CPLANE1: variants seen among roughly 807,000 people sequenced by gnomAD.
The protein encoded by CPLANE1 is ciliogenesis and planar polarity effector complex subunit 1.
A neutral mutation model predicts 362.5 loss-of-function variants in CPLANE1; 263 were observed. That is an observed-to-expected ratio of 0.73 (90% CI 0.66 to 0.80). The LOEUF (loss-of-function observed/expected upper bound fraction) is 0.80, where lower values mean the gene tolerates loss of function less well. Ranked by LOEUF, CPLANE1 falls within the 30% of genes least tolerant of loss-of-function variation. CPLANE1 has a pLI of 0.00. For synonymous variants in CPLANE1, 1,212 were observed against 1,302.6 expected (o/e 0.93, Z 1.50); for missense variants, 3,461 against 3,793.4 (o/e 0.91, Z 2.30).
At position 37,209,750 on chromosome 5, in the gene CPLANE1, A is replaced by G; in HGVS notation, c.2921-3325T>C. On this transcript the variant is annotated intron_variant, in intron 16 of 52. Coordinates refer to ENST00000651892, the MANE Select transcript of CPLANE1 (RefSeq NM_001384732.1). The surrounding 1 kb of genome is among the most constrained non-coding windows in gnomAD (Gnocchi z 4.6). ...CCAGTCTGTACAAATCACTGGTTTC[A>G]GGAGCTGATAAAGAAAACCAAAAAG... 8.2e-7 allele frequency: 1 copy of G among 1,213,870 alleles called. No individual in the cohort carries two copies. Among genetic ancestry groups the G allele is most frequent in the Non-Finnish European group, 1.2e-6 (1 of 817,764 alleles). 75.2% of individuals were successfully genotyped at this position (1,213,870 alleles called of 1,614,324 possible). A position where few individuals can be genotyped will look rare whatever the true frequency, so the allele number is the denominator to read the frequency against.
chr5:37,124,839 A>G, intron 47 of CPLANE1: 2 of 983,308 alleles, frequency 2.0e-6, no homozygotes, highest in South Asian at 4.7e-5. Flanking sequence ...AATAAATTTT[A>G]TAAACTAAGT....
intron 32 of CPLANE1, 137 bp from the exon 33 acceptor site, chr5:37,170,468 G>A (rs1779472639): frequency 1.1e-6 from 1 of 951,382 alleles, no homozygotes; most frequent in African/African-American, 1.7e-5. Flanking sequence ...TGCTGAGCAG[G>A]AGGCAGTCAG....
the CPLANE1 span, among the ~76,000 whole-genome samples, chr5:37,078,581 G>C: frequency 6.6e-6 from 1 of 152,116 alleles, no homozygotes; most frequent in Non-Finnish European, 1.5e-5. Context: ...TGGTATTGCT[G>C]GGTCAAATGG....
chr5:37,150,522 G>A (rs566238790), intron 42 of CPLANE1, among the ~76,000 whole-genome samples: 14 of 151,626 alleles, frequency 9.2e-5, no homozygotes, highest in East Asian at 3.9e-4. Context: ...ACACACACGC[G>A]CGCACACACA....
At chr5:37,195,210 T>G (rs950882554) in intron 21 of CPLANE1, among the ~76,000 whole-genome samples, 1 of 151,446 alleles carries the variant, frequency 6.6e-6, no homozygotes, top group Non-Finnish European at 1.5e-5. Flanking sequence ...TGATAAGGAT[T>G]AAGGAAGGAT....
chr5:37,148,145 C>T (rs773865787), intron 43 of CPLANE1, 36 bp downstream of exon 43: 1 of 1,512,366 alleles, frequency 6.6e-7, no homozygotes, highest in South Asian at 1.2e-5. Context: ...TCAACTAAAG[C>T]AAGACTTCAG....
Position 37,107,253 on chromosome 5 carries a change from C to T in CPLANE1, c.*349G>A. On this transcript the variant is annotated 3_prime_UTR_variant, in exon 53 of 53. Transcript: ENST00000651892. ...GATTCATCTGTATATGGTTGTTTCT[C>T]AAAACTCAGAGGGTAATAAAGGAGG... 9.8e-7 allele frequency: 1 copy of T among 1,019,452 alleles called. No individual in the cohort carries two copies. Among genetic ancestry groups the T allele is most frequent in the African/African-American group, 1.7e-5 (1 of 58,526 alleles). 63.2% of individuals were successfully genotyped at this position (1,019,452 alleles called of 1,614,324 possible). A position where few individuals can be genotyped will look rare whatever the true frequency, so the allele number is the denominator to read the frequency against.
chr5:37,175,317 G>A (rs1370621309), intron 31 of CPLANE1, among the ~76,000 whole-genome samples: 1 of 152,206 alleles, frequency 6.6e-6, no homozygotes, highest in African/African-American at 2.4e-5. Context: ...TGTAGCAAAA[G>A]GGCCGGATCT....
the CPLANE1 span, among the ~76,000 whole-genome samples, chr5:37,076,315 C>CTT: frequency 6.6e-6 from 1 of 150,620 alleles, no homozygotes; most frequent in Non-Finnish European, 1.5e-5. Context: ...TGATGTCAAA[C>CTT]TTTTTTTTTC....
At chr5:37,166,895 A>T (rs1778385505) in intron 35 of CPLANE1, 152 bp downstream of exon 35, 5 of 603,124 alleles carry the variant, frequency 8.3e-6, no homozygotes, top group Non-Finnish European at 1.4e-5. Flanking sequence ...TTTCTCACAT[A>T]AAATGTTTTC....
At chr5:37,132,713 T>C (rs1361948914) in intron 46 of CPLANE1, among the ~76,000 whole-genome samples, 1 of 152,192 alleles carries the variant, frequency 6.6e-6, no homozygotes, top group East Asian at 1.9e-4. Flanking sequence ...TTGTGAATAT[T>C]TTCTCCCATT....
intron 51 of CPLANE1, among the ~76,000 whole-genome samples, chr5:37,113,318 G>A (rs943058408): frequency 1.3e-5 from 2 of 152,180 alleles, no homozygotes; most frequent in African/African-American, 4.8e-5. Context: ...ATAAAGGGGA[G>A]TTCCCCTGAA....
At chr5:37,220,798 C>T (rs1795202538) in intron 15 of CPLANE1, among the ~76,000 whole-genome samples, 1 of 152,154 alleles carries the variant, frequency 6.6e-6, no homozygotes. Flanking sequence ...GGATTACAGG[C>T]GTGAGCCACT....
intron 32 of CPLANE1, among the ~76,000 whole-genome samples, chr5:37,171,801 C>A (rs1009242508): frequency 8.8e-5 from 13 of 148,394 alleles, no homozygotes; most frequent in Middle Eastern, 6.9e-3. Context: ...TCTATTCTAT[C>A]TAAAAGACAA....
At chr5:37,120,424 G>A in intron 49 of CPLANE1, 84 bp from the exon 50 acceptor site, 3 of 1,241,048 alleles carry the variant, frequency 2.4e-6, no homozygotes, top group Non-Finnish European at 3.3e-6. Context: ...CCCAAATTAA[G>A]CTGGGCACAG....
At chr5:37,078,294 C>CTGTT in the CPLANE1 span, among the ~76,000 whole-genome samples, 11 of 152,298 alleles carry the variant, frequency 7.2e-5, no homozygotes, top group African/African-American at 2.6e-4. Flanking sequence ...AGAATATGCA[C>CTGTT]TGTTTGGTTT....
intron 6 of CPLANE1, among the ~76,000 whole-genome samples, chr5:37,242,016 C>T (rs186365633): frequency 1.3e-5 from 2 of 152,240 alleles, no homozygotes; most frequent in Non-Finnish European, 2.9e-5. Flanking sequence ...ATAAAAACCA[C>T]ACCACACCAT....
intron 16 of CPLANE1, among the ~76,000 whole-genome samples, chr5:37,208,123 T>C (rs192302941): frequency 5.3e-5 from 8 of 152,306 alleles, no homozygotes; most frequent in Admixed American, 5.2e-4. Context: ...CTAATTTTTG[T>C]ATTTTTTGTA....
intron 36 of CPLANE1, among the ~76,000 whole-genome samples, chr5:37,164,560 T>A (rs1674868546): frequency 6.6e-6 from 1 of 152,160 alleles, no homozygotes; most frequent in African/African-American, 2.4e-5. Context: ...AATGTAACGT[T>A]CCTAGGTTAC....
Sources: allele counts gnomAD v4.1 joint callset (sites outside exome capture counted in the v4.1 genomes callset), GRCh38; gene constraint gnomAD v4.1.1; non-coding constraint Gnocchi (gnomAD v3.1); transcripts MANE v1.5; gene names NCBI Gene and HGNC (gene_info 2026-07-23, HGNC 2026-07-21).